ADGRL2: variants seen among roughly 807,000 people sequenced by gnomAD.
The protein encoded by ADGRL2 is adhesion G protein-coupled receptor L2, also known as calcium-independent alpha-latrotoxin receptor 2.
In ADGRL2, 44 loss-of-function variants were observed where a neutral mutation model predicts 157.4. The observed-to-expected ratio is 0.28, with a 90% CI of 0.22 to 0.36. ADGRL2 has a LOEUF of 0.36. Among genes scored for constraint, ADGRL2 ranks in the 10% least tolerant of loss-of-function variants. ADGRL2 has a pLI of 1.00. For synonymous variants in ADGRL2, 585 were observed against 624.7 expected, an observed-to-expected ratio of 0.94 and a Z score of 0.95; for missense variants, 1,510 against 1,768.9, an observed-to-expected ratio of 0.85 and a Z score of 2.63.
chr1:81,509,384 A>G (rs1053584944), intron 2 of ADGRL2, among the ~76,000 whole-genome samples: 9 of 152,010 alleles, frequency 5.9e-5, no homozygotes. Flanking sequence ...AAAAAAAAAA[A>G]GCTGCTTCCT....
intron 2 of ADGRL2, among the ~76,000 whole-genome samples, chr1:81,877,180 T>G (rs186531465): frequency 7.2e-5 from 11 of 152,282 alleles, no homozygotes; most frequent in Middle Eastern, 3.4e-3. Flanking sequence ...GGATTGACTT[T>G]CCCAATTAAG....
chr1:81,830,710 T>C (rs2091887162), intron 1 of ADGRL2, among the ~76,000 whole-genome samples: 1 of 152,150 alleles, frequency 6.6e-6, no homozygotes, highest in South Asian at 2.1e-4. Context: ...TTTCGCCACA[T>C]TGGCCAGGCT....
intron 2 of ADGRL2, among the ~76,000 whole-genome samples, chr1:81,771,450 G>A (rs1305875041): frequency 1.3e-5 from 2 of 152,136 alleles, no homozygotes; most frequent in African/African-American, 4.8e-5. Flanking sequence ...ATGCAAAATA[G>A]ATATATCCTT....
chr1:81,575,187 G>A (rs2080773012), intron 2 of ADGRL2, among the ~76,000 whole-genome samples: 3 of 151,954 alleles, frequency 2.0e-5, no homozygotes, highest in African/African-American at 4.8e-5. Context: ...ATAATGTTTC[G>A]TGTCTTCCCC....
At chr1:81,864,610 T>A (rs2093481289) in intron 2 of ADGRL2, among the ~76,000 whole-genome samples, 2 of 152,216 alleles carry the variant, frequency 1.3e-5, no homozygotes, top group South Asian at 4.1e-4. Flanking sequence ...TACAATGAAG[T>A]TGGAAAATGG....
At chr1:81,747,905 A>C (rs1021162814) in intron 1 of ADGRL2, among the ~76,000 whole-genome samples, 2 of 152,254 alleles carry the variant, frequency 1.3e-5, no homozygotes, top group Non-Finnish European at 2.9e-5. Flanking sequence ...CAAAAAGAAG[A>C]CTAGGTGTAA....
At chr1:81,403,468 G>T (rs1413415591) in intron 1 of ADGRL2, among the ~76,000 whole-genome samples, 1 of 152,074 alleles carries the variant, frequency 6.6e-6, no homozygotes, top group Non-Finnish European at 1.5e-5. Flanking sequence ...GTTTCACAAT[G>T]TTGGCCAGGC....
chr1:81,727,596 C>T (rs2084577159), intron 1 of ADGRL2, among the ~76,000 whole-genome samples: 2 of 152,078 alleles, frequency 1.3e-5, no homozygotes, highest in South Asian at 4.1e-4. Flanking sequence ...CCATACCCAG[C>T]TAATTTTTGT....
At chr1:81,813,016 G>C (rs2090028423) in intron 1 of ADGRL2, among the ~76,000 whole-genome samples, 1 of 151,654 alleles carries the variant, frequency 6.6e-6, no homozygotes, top group Non-Finnish European at 1.5e-5. Context: ...TTTTTCATTC[G>C]GGTGTTTAGG....
chr1:81,677,280 T>A (rs1244224033), intron 3 of ADGRL2, among the ~76,000 whole-genome samples: 1 of 152,150 alleles, frequency 6.6e-6, no homozygotes, highest in Non-Finnish European at 1.5e-5. Flanking sequence ...CCACCACACC[T>A]GGCCCAACTC....
At chr1:81,503,041 G>T in intron 2 of ADGRL2, 3 of 1,611,484 alleles carry the variant, frequency 1.9e-6, no homozygotes, top group East Asian at 2.2e-5. Context: ...TACTCGGACC[G>T]CCGCACTGGA....
intron 2 of ADGRL2, among the ~76,000 whole-genome samples, chr1:81,854,467 G>C (rs920071018): frequency 4.6e-5 from 7 of 152,132 alleles, no homozygotes; most frequent in Admixed American, 6.6e-5. Flanking sequence ...TCAGCTATGT[G>C]AACCTGTACA....
At chr1:81,888,772 G>A (rs1016399446) in intron 2 of ADGRL2, among the ~76,000 whole-genome samples, 1 of 151,934 alleles carries the variant, frequency 6.6e-6, no homozygotes, top group East Asian at 1.9e-4. Flanking sequence ...ATAAATTGAA[G>A]GTTTATGGAA....
At chr1:81,494,481 A>G (rs1053121664) in intron 2 of ADGRL2, among the ~76,000 whole-genome samples, 1 of 152,162 alleles carries the variant, frequency 6.6e-6, no homozygotes, top group Non-Finnish European at 1.5e-5. Flanking sequence ...TACAGTCACA[A>G]AATTTTACTG....
At chr1:81,398,689 C>T (rs2076699043) in intron 1 of ADGRL2, among the ~76,000 whole-genome samples, 1 of 152,034 alleles carries the variant, frequency 6.6e-6, no homozygotes, top group South Asian at 2.1e-4. Context: ...TTTTTCTTTC[C>T]TTTTCTTCTT....
chr1:81,394,787 G>T (rs1205804630), intron 1 of ADGRL2, among the ~76,000 whole-genome samples: 1 of 152,048 alleles, frequency 6.6e-6, no homozygotes, highest in African/African-American at 2.4e-5. Context: ...GAAACTTCAT[G>T]CTATTTTCCA....
chr1:81,607,891 CCATTAAATGTA>C (rs2081465902), intron 3 of ADGRL2, among the ~76,000 whole-genome samples: 1 of 152,108 alleles, frequency 6.6e-6, no homozygotes, highest in Non-Finnish European at 1.5e-5. Context: ...GAGACAAAAT[CCATTAAATGTA>C]GCTTTCTTTC....
rs1283053391 is a variant in ADGRL2, at chr1:81,742,861, A to C, written c.-142-18950A>C. Among the ~76,000 whole-genome samples the C allele has an allele frequency of 2.0e-5, 3 of 152,062 alleles. No homozygotes were observed. In the East Asian group the frequency reaches 5.8e-4, roughly 29 times the overall value. ...CTGTCTCCAAGCCATTGCTTTTCCC[A>C]GAATTTCTAAATTGTGAGTTGTTGC... On this transcript the variant is annotated intron_variant, in intron 1 of 20. Coordinates refer to the ADGRL2 transcript ENST00000359929.
At chr1:81,713,099 C>T (rs913111374) in intron 1 of ADGRL2, among the ~76,000 whole-genome samples, 6 of 151,898 alleles carry the variant, frequency 4.0e-5, no homozygotes, top group East Asian at 1.9e-4. Flanking sequence ...TAAAAAACCC[C>T]GATATATAAT....
Sources: gnomAD v4.1 joint callset for allele counts (sites outside exome capture counted in the v4.1 genomes callset) on GRCh38, gnomAD v4.1.1 for gene constraint, MANE v1.5 for transcripts, NCBI Gene and HGNC (gene_info 2026-07-23, HGNC 2026-07-21) for gene names.